Variants in SORCS1 observed in about 807,000 individuals in gnomAD.
SORCS1 encodes sortilin related VPS10 domain containing receptor 1.
SORCS1 carries 60 observed loss-of-function variants against 146.1 expected under a neutral mutation model. That is an observed-to-expected ratio of 0.41 (90% CI 0.33 to 0.51). The LOEUF is 0.51. Ranked by LOEUF, SORCS1 falls within the 20% of genes least tolerant of loss-of-function variation. SORCS1 has a pLI of 0.21. For synonymous variants in SORCS1, 637 were observed against 584.0 expected, an observed-to-expected ratio of 1.09 and a Z score of -1.31; for missense variants, 1,352 against 1,487.6, an observed-to-expected ratio of 0.91 and a Z score of 1.50.
At chr10:106,691,718 T>C (rs994135438) in intron 9 of SORCS1, among the ~76,000 whole-genome samples, 2 of 152,108 alleles carry the variant, frequency 1.3e-5, no homozygotes, top group Non-Finnish European at 2.9e-5. Flanking sequence ...ATTCAGCTCA[T>C]AAACCTTTTC....
At chr10:107,133,616 A>T (rs1330669719) in intron 1 of SORCS1, among the ~76,000 whole-genome samples, 1 of 152,218 alleles carries the variant, frequency 6.6e-6, no homozygotes, top group African/African-American at 2.4e-5. Context: ...TTAGAAACCC[A>T]GGCTGCTGGA....
intron 3 of SORCS1, among the ~76,000 whole-genome samples, chr10:106,816,928 T>C (rs894541463): frequency 1.3e-5 from 2 of 152,200 alleles, no homozygotes; most frequent in Non-Finnish European, 2.9e-5. Flanking sequence ...TGGTAGTAAT[T>C]GACTGAGTCC....
At chr10:106,819,999 C>T (rs1158738049) in intron 3 of SORCS1, among the ~76,000 whole-genome samples, 2 of 152,172 alleles carry the variant, frequency 1.3e-5, no homozygotes, top group Admixed American at 6.5e-5. Flanking sequence ...TAATCTCTGT[C>T]GTCTTCTCTC....
At chr10:106,943,886 C>T (rs1954178699) in intron 2 of SORCS1, among the ~76,000 whole-genome samples, 1 of 152,124 alleles carries the variant, frequency 6.6e-6, no homozygotes, top group South Asian at 2.1e-4. Flanking sequence ...CCTCCGTCTT[C>T]TCCTAGAAAA....
At chr10:106,747,184 A>G (rs1483582002) in intron 5 of SORCS1, among the ~76,000 whole-genome samples, 2 of 152,204 alleles carry the variant, frequency 1.3e-5, no homozygotes, top group Non-Finnish European at 2.9e-5. Flanking sequence ...TGCCTGTGAA[A>G]ACCTTGACAG....
chr10:106,915,744 C>T (rs1056762214), intron 2 of SORCS1, among the ~76,000 whole-genome samples: 5 of 152,168 alleles, frequency 3.3e-5, no homozygotes, highest in African/African-American at 4.8e-5. Context: ...AGAGTGGCTT[C>T]ATTACAGATG....
At chr10:107,173,891 G>A in the SORCS1 span, among the ~76,000 whole-genome samples, 1 of 152,070 alleles carries the variant, frequency 6.6e-6, no homozygotes, top group Non-Finnish European at 1.5e-5. Context: ...TCTCCTTAAT[G>A]CATCAAGTTT....
intron 2 of SORCS1, among the ~76,000 whole-genome samples, chr10:106,832,090 T>C (rs921038053): frequency 2.0e-5 from 3 of 152,058 alleles, no homozygotes; most frequent in African/African-American, 7.2e-5. Context: ...TATCTTTTTC[T>C]CCAAAATTCA....
chr10:107,076,822 G>A (rs1002266282), intron 1 of SORCS1, among the ~76,000 whole-genome samples: 7 of 152,192 alleles, frequency 4.6e-5, no homozygotes, highest in South Asian at 2.1e-4. Flanking sequence ...CTATATCCCC[G>A]AAGCCACATT....
At chr10:106,657,969 T>A (rs1850433165) in intron 17 of SORCS1, among the ~76,000 whole-genome samples, 1 of 152,162 alleles carries the variant, frequency 6.6e-6, no homozygotes, top group African/African-American at 2.4e-5. Flanking sequence ...ATATAAAAAG[T>A]TAGAAAAAAG....
At chr10:106,639,182 T>A (rs1354281686) in intron 18 of SORCS1, among the ~76,000 whole-genome samples, 1 of 152,178 alleles carries the variant, frequency 6.6e-6, no homozygotes, top group Non-Finnish European at 1.5e-5. Flanking sequence ...GCCAGAAGCC[T>A]GAGGAAGTTA....
chr10:106,920,904 G>T (rs1417368360), intron 2 of SORCS1, among the ~76,000 whole-genome samples: 1 of 152,018 alleles, frequency 6.6e-6, no homozygotes, highest in Admixed American at 6.6e-5. Flanking sequence ...TCTTCACCAT[G>T]AGGCCTGCTT....
At chr10:106,584,582 G>A (rs931788041) in intron 24 of SORCS1, among the ~76,000 whole-genome samples, 8 of 152,174 alleles carry the variant, frequency 5.3e-5, no homozygotes, top group Non-Finnish European at 7.3e-5. Context: ...CATTTTAACC[G>A]ATCAAATATT....
the SORCS1 span, among the ~76,000 whole-genome samples, chr10:107,170,465 G>A: frequency 1.3e-5 from 2 of 152,160 alleles, no homozygotes; most frequent in East Asian, 1.9e-4. Context: ...ATGATAAGAA[G>A]TCTTTGGTTA....
chr10:106,577,998 T>C (rs1844669924), intron 25 of SORCS1: 1 of 155,128 alleles, frequency 6.4e-6, no homozygotes, highest in Non-Finnish European at 1.4e-5. Context: ...TAAAGAGGGT[T>C]ATGTTTCCGT....
chr10:106,984,523 A>G (rs1181318658), intron 1 of SORCS1, among the ~76,000 whole-genome samples: 2 of 151,010 alleles, frequency 1.3e-5, no homozygotes, highest in Non-Finnish European at 2.9e-5. Context: ...CCTCCTGAGT[A>G]GCTGGGACTA....
intron 1 of SORCS1, among the ~76,000 whole-genome samples, chr10:106,987,626 G>A (rs1011863060): frequency 3.9e-5 from 6 of 152,140 alleles, no homozygotes; most frequent in African/African-American, 1.2e-4. Context: ...CGCCTACTGA[G>A]GTTCTCCTCT....
intron 2 of SORCS1, among the ~76,000 whole-genome samples, chr10:106,898,525 T>A (rs1472828534): frequency 1.3e-5 from 2 of 152,140 alleles, no homozygotes; most frequent in Non-Finnish European, 2.9e-5. Flanking sequence ...ACTGGAAACC[T>A]CCCAGCATCA....
At chr10:106,733,965 C>T (rs1856783844) in intron 5 of SORCS1, among the ~76,000 whole-genome samples, 1 of 152,280 alleles carries the variant, frequency 6.6e-6, no homozygotes, top group African/African-American at 2.4e-5. Context: ...ACTGAACTCT[C>T]TCTGCTTGCC....
Sources: allele counts gnomAD v4.1 joint callset (sites outside exome capture counted in the v4.1 genomes callset), GRCh38; gene constraint gnomAD v4.1.1; transcripts MANE v1.5; gene names NCBI Gene and HGNC (gene_info 2026-07-23, HGNC 2026-07-21).